The following CDH11 variants were observed in gnomAD, a reference collection of about 807,000 sequenced individuals.
CDH11 encodes the protein cadherin-11.
Under a neutral mutation model 67.8 loss-of-function variants are expected in CDH11, and 11 were observed. The observed-to-expected ratio is 0.16, with a 90% confidence interval of 0.10 to 0.27. CDH11 has a LOEUF of 0.27. Ranked by LOEUF, CDH11 falls within the 10% of genes least tolerant of loss-of-function variation. The pLI is 1.00. For synonymous variants in CDH11, 419 were observed against 400.0 expected (o/e 1.05, Z -0.57); for missense variants, 847 against 1,031.2 (o/e 0.82, Z 2.45).
At chr16:65,019,787 C>A (rs375182601) in intron 2 of CDH11, among the ~76,000 whole-genome samples, 1 of 152,054 alleles carries the variant, frequency 6.6e-6, no homozygotes, top group East Asian at 1.9e-4. Context: ...TTTGCTCACA[C>A]ACAGAATTAT....
chr16:65,122,859 T>A (rs2075357963), upstream of CDH11, among the ~76,000 whole-genome samples: 1 of 152,160 alleles, frequency 6.6e-6, no homozygotes, highest in Non-Finnish European at 1.5e-5. Flanking sequence ...GAGGGTGCCT[T>A]GGCCCCTACC....
At chr16:64,966,624 A>G (rs1488857820) in intron 11 of CDH11, among the ~76,000 whole-genome samples, 1 of 152,144 alleles carries the variant, frequency 6.6e-6, no homozygotes, top group African/African-American at 2.4e-5. Flanking sequence ...TATTTCATAA[A>G]TAATATTTTT....
chr16:65,006,042 C>G (rs2073045611), intron 2 of CDH11, among the ~76,000 whole-genome samples: 1 of 151,898 alleles, frequency 6.6e-6, no homozygotes, highest in South Asian at 2.1e-4. Flanking sequence ...GGGTTCTGGA[C>G]TTCTTCATTG....
chr16:65,048,648 GT>G (rs2074003207), intron 2 of CDH11, among the ~76,000 whole-genome samples: 1 of 151,536 alleles, frequency 6.6e-6, no homozygotes, highest in South Asian at 2.1e-4. Flanking sequence ...GTATATATAC[GT>G]GTCTATATCT....
chr16:65,086,669 G>A (rs921544007), intron 1 of CDH11, among the ~76,000 whole-genome samples: 11 of 152,190 alleles, frequency 7.2e-5, no homozygotes, highest in Admixed American at 5.2e-4. Flanking sequence ...CAAATGCAGC[G>A]TCTCAGAGTT....
chr16:64,997,208 G>A (rs931456586), intron 4 of CDH11, among the ~76,000 whole-genome samples: 11 of 151,806 alleles, frequency 7.2e-5, no homozygotes, highest in Non-Finnish European at 1.2e-4. Flanking sequence ...GCTGAGGCAG[G>A]AGAATTGCTT....
At chr16:65,046,628 T>C (rs1351369586) in intron 2 of CDH11, among the ~76,000 whole-genome samples, 1 of 152,186 alleles carries the variant, frequency 6.6e-6, no homozygotes. Context: ...ATTCATAAAA[T>C]TGTTGCATAG....
At chr16:65,098,848 T>C (rs529697720) in intron 1 of CDH11, among the ~76,000 whole-genome samples, 23 of 152,262 alleles carry the variant, frequency 1.5e-4, no homozygotes, top group South Asian at 1.0e-3. Flanking sequence ...TGATTTGGTG[T>C]GTGTGGGGGA....
intron 2 of CDH11, among the ~76,000 whole-genome samples, chr16:65,015,965 A>G (rs900209356): frequency 1.3e-5 from 2 of 152,200 alleles, no homozygotes; most frequent in African/African-American, 4.8e-5. Context: ...GTATCCATCC[A>G]GCTTAATCAG....
intron 11 of CDH11, among the ~76,000 whole-genome samples, chr16:64,969,406 T>C (rs898867562): frequency 2.0e-5 from 3 of 152,266 alleles, no homozygotes; most frequent in South Asian, 2.1e-4. Flanking sequence ...CCAGTGTAAG[T>C]TGAGAATTGC....
intron 1 of CDH11, among the ~76,000 whole-genome samples, chr16:65,112,321 G>C (rs1209469055): frequency 6.6e-6 from 1 of 152,134 alleles, no homozygotes; most frequent in Non-Finnish European, 1.5e-5. Flanking sequence ...CCTGATGGCA[G>C]AGTTTGTTGG....
chr16:64,994,812 T>C (rs959759801), intron 4 of CDH11, among the ~76,000 whole-genome samples: 2 of 152,216 alleles, frequency 1.3e-5, no homozygotes, highest in Non-Finnish European at 2.9e-5. Flanking sequence ...TAGAAAACTC[T>C]AAAGACTCTG....
chr16:65,112,999 G>T (rs2075185305), intron 1 of CDH11, among the ~76,000 whole-genome samples: 1 of 152,124 alleles, frequency 6.6e-6, no homozygotes, highest in Non-Finnish European at 1.5e-5. Flanking sequence ...ATTAAAAAAT[G>T]ACTTTTGGCC....
At chr16:65,044,299 A>T (rs2073918335) in intron 2 of CDH11, among the ~76,000 whole-genome samples, 1 of 152,234 alleles carries the variant, frequency 6.6e-6, no homozygotes, top group South Asian at 2.1e-4. Flanking sequence ...CAGCAACATC[A>T]GTGTGACTTC....
chr16:64,950,760 C>A lies in CDH11; in HGVS notation c.1894+7G>T, dbSNP rs777694874. The A allele has an allele frequency of 6.2e-7, 1 of 1,612,650 alleles. No individual in the cohort carries two copies. The highest frequency in any genetic ancestry group is 1.3e-5 in the African/African-American group (1 of 74,910). ...CCTTCCTGCAGGGGACCAGGAAGCGCCCTTACCCAGGAGAATGACGATGCA... is the reference window on the plus strand; with the variant it reads ...CCTTCCTGCAGGGGACCAGGAAGCGACCTTACCCAGGAGAATGACGATGCA... On this transcript the variant is annotated splice_region_variant and intron_variant, in intron 12 of 12. Coordinates refer to ENST00000268603, the MANE Select transcript of CDH11 (RefSeq NM_001797.4).
At chr16:65,069,475 A>C (rs1567560158) in intron 1 of CDH11, among the ~76,000 whole-genome samples, 1 of 152,172 alleles carries the variant, frequency 6.6e-6, no homozygotes, top group Non-Finnish European at 1.5e-5. Flanking sequence ...ACTTCATGAC[A>C]CATGGAGTAC....
intron 1 of CDH11, among the ~76,000 whole-genome samples, chr16:65,108,379 C>T (rs564255117): frequency 6.6e-6 from 1 of 152,194 alleles, no homozygotes; most frequent in African/African-American, 2.4e-5. Flanking sequence ...GTCCCCAGCT[C>T]TAACTACTAA....
chr16:65,072,801 G>T (rs544299916), intron 1 of CDH11, among the ~76,000 whole-genome samples: 1 of 152,332 alleles, frequency 6.6e-6, no homozygotes, highest in East Asian at 1.9e-4. Context: ...GATCCAACTT[G>T]TTCTAGTCAC....
chr16:65,084,976 C>T (rs2074671442), intron 1 of CDH11, among the ~76,000 whole-genome samples: 1 of 152,130 alleles, frequency 6.6e-6, no homozygotes, highest in Non-Finnish European at 1.5e-5. Context: ...GTGGCACTAC[C>T]TCAACTCACA....
Sources: allele counts gnomAD v4.1 joint callset (sites outside exome capture counted in the v4.1 genomes callset), GRCh38; gene constraint gnomAD v4.1.1; transcripts MANE v1.5; gene names NCBI Gene and HGNC (gene_info 2026-07-23, HGNC 2026-07-21).